NPHP1: variants seen among roughly 807,000 people sequenced by gnomAD.
The protein encoded by NPHP1 is nephrocystin-1.
A neutral mutation model predicts 90.4 loss-of-function variants in NPHP1; 70 were observed. The observed-to-expected ratio is 0.77, with a 90% CI of 0.64 to 0.95. The LOEUF (loss-of-function observed/expected upper bound fraction) is 0.95, where lower values mean the gene tolerates loss of function less well. Ranked by LOEUF, NPHP1 falls within the 40% of genes least tolerant of loss-of-function variation. The pLI is 0.00. For synonymous variants in NPHP1, 256 were observed against 271.7 expected, an observed-to-expected ratio of 0.94 and a Z score of 0.57; for missense variants, 764 against 795.9, an observed-to-expected ratio of 0.96 and a Z score of 0.48.
intron 2 of NPHP1, among the ~76,000 whole-genome samples, chr2:110,200,506 T>C (rs1168248577): frequency 6.6e-6 from 1 of 152,016 alleles, no homozygotes; most frequent in East Asian, 1.9e-4. Flanking sequence ...CAGGTTGCAA[T>C]GAGCCGAGAT....
chr2:110,179,521 T>G (rs1683738208), intron 3 of NPHP1, 103 bp downstream of exon 3: 1 of 649,456 alleles, frequency 1.5e-6, no homozygotes, highest in Middle Eastern at 2.7e-4. Context: ...ACTATATCAC[T>G]AACGTAAACC....
At chr2:110,201,667 T>C (rs1233352427) in intron 1 of NPHP1, among the ~76,000 whole-genome samples, 173 bp from the exon 2 acceptor site, 1 of 152,186 alleles carries the variant, frequency 6.6e-6, no homozygotes, top group East Asian at 1.9e-4. Context: ...ATTAACATTA[T>C]ACTATACTTA....
Position 110,160,172 on chromosome 2 carries a change from C to A in NPHP1, c.1038G>T (p.Gln346His). 2 of 1,612,678 alleles carry A rather than the reference C, an allele frequency of 1.2e-6. No homozygotes were observed. Among genetic ancestry groups the A allele is most frequent in the Non-Finnish European group, 1.7e-6 (2 of 1,178,846 alleles). Reference protein sequence around the residue: ...KMIPLPGMSIQVLSRHVRLCL... With the variant: ...KMIPLPGMSIHVLSRHVRLCL... ...AGAGGCGTACATGTCTGCTGAGAAC[C>A]TGTATGCTCATTCCTGGAAGAGGAA... Residue 346 changes from glutamine (Q) to histidine (H), a missense_variant, in exon 11 of 20, where the codon CAG becomes CAT. Physicochemically the swap from Gln to His is conservative, Grantham distance 24. Coordinates refer to ENST00000445609, the MANE Select transcript of NPHP1 (RefSeq NM_001128178.3).
chr2:110,145,930 G>A (rs183847076), intron 14 of NPHP1, among the ~76,000 whole-genome samples: 61 of 152,302 alleles, frequency 4.0e-4, no homozygotes, highest in Non-Finnish European at 7.6e-4. Context: ...CAATGTGGCA[G>A]GAGGCCACAT....
At chr2:110,148,148 G>A in intron 12 of NPHP1, 122 bp from the exon 13 acceptor site, 1 of 736,960 alleles carries the variant, frequency 1.4e-6, no homozygotes, top group Non-Finnish European at 2.5e-6. Context: ...TGTTGAAGGT[G>A]AGGCCTGGTG....
At chr2:110,190,287 GC>G (rs1684620064) in intron 2 of NPHP1, among the ~76,000 whole-genome samples, 1 of 152,158 alleles carries the variant, frequency 6.6e-6, no homozygotes, top group East Asian at 1.9e-4. Flanking sequence ...GCAGGGGGTG[GC>G]ACTTGTCAGG....
chr2:110,137,988 T>C (rs1334246910), intron 16 of NPHP1, among the ~76,000 whole-genome samples: 3 of 149,698 alleles, frequency 2.0e-5, no homozygotes, highest in Admixed American at 1.3e-4. Flanking sequence ...TGGAATACTA[T>C]GCAGCCATAA....
At chr2:110,190,949 A>T (rs987844274) in intron 2 of NPHP1, among the ~76,000 whole-genome samples, 1 of 152,202 alleles carries the variant, frequency 6.6e-6, no homozygotes, top group Non-Finnish European at 1.5e-5. Flanking sequence ...GTGAAGTACC[A>T]TCTCATGCCA....
At chr2:110,180,295 C>G (rs969558820) in intron 2 of NPHP1, among the ~76,000 whole-genome samples, 4 of 152,010 alleles carry the variant, frequency 2.6e-5, no homozygotes, top group Non-Finnish European at 4.4e-5. Context: ...ATTTATTCCA[C>G]AGATGCCTCA....
intron 16 of NPHP1, 76 bp from the exon 17 acceptor site, chr2:110,131,867 T>A: frequency 2.0e-6 from 2 of 980,730 alleles, no homozygotes; most frequent in Non-Finnish European, 3.2e-6. Flanking sequence ...TGTATATTAC[T>A]TTAATAAACA....
Position 110,178,347 on chromosome 2 carries a change from G to A in NPHP1, c.329+76C>T, listed in dbSNP as rs111454868. 2.9e-3 allele frequency: 4,058 copies of A among 1,379,948 alleles called. 103 individuals are homozygous for A. The African/African-American group carries it at 0.048, about 16-fold the overall frequency. The allele number at this position is 1,379,948 out of a possible 1,614,324, so 85.5% of individuals were successfully genotyped here. ...TTTGTTTATATCTATACTGCTATAT[G>A]TCTTTGAGTTAAACATTAAAGCTAT... On this transcript the variant is annotated intron_variant, in intron 4 of 19. Transcript: ENST00000445609.
At chr2:110,165,562 T>C (rs934960562) in intron 6 of NPHP1, among the ~76,000 whole-genome samples, 2 of 151,986 alleles carry the variant, frequency 1.3e-5, no homozygotes, top group South Asian at 4.2e-4. Context: ...CCAATCATGA[T>C]ACAAAATCAA....
intron 16 of NPHP1, among the ~76,000 whole-genome samples, chr2:110,135,060 A>C (rs907449901): frequency 6.6e-6 from 1 of 152,156 alleles, no homozygotes; most frequent in Admixed American, 6.5e-5. Context: ...TAAATACTCC[A>C]TGAAAAATAC....
chr2:110,124,566 A>ATAC, intron 19 of NPHP1: 10 of 223,998 alleles, frequency 4.5e-5, no homozygotes, highest in South Asian at 7.8e-5. Flanking sequence ...TTTGGTGATG[A>ATAC]GGATGTCAGA....
chr2:110,131,626 T>C (rs1036102515), intron 17 of NPHP1, 53 bp downstream of exon 17: 9 of 1,037,188 alleles, frequency 8.7e-6, no homozygotes, highest in Non-Finnish European at 7.6e-6. Flanking sequence ...AGGTTACCTT[T>C]ACTCAGAGTA....
Position 110,164,702 on chromosome 2 carries a change from T to C in NPHP1, c.757A>G (p.Lys253Glu), listed in dbSNP as rs577070620. The C allele has an allele frequency of 2.7e-5, 44 of 1,614,052 alleles. No homozygotes were observed. The South Asian group carries it at 4.0e-4, about 15-fold the overall frequency. ...RTDPHWSAVQ[K>E]AISEQINTVD... Reference sequence around the variant, plus strand: ...AAGATGCCCGCCTCTGAAATCGCTTTCTGAACAGCACTCCAGTGGGGATCA... The same window carrying C: ...AAGATGCCCGCCTCTGAAATCGCTTCCTGAACAGCACTCCAGTGGGGATCA... The change falls in exon 8 of 20, where the codon AAA becomes GAA. Residue 253 changes from lysine (K) to glutamate (E), a missense_variant. Physicochemically the swap from Lys to Glu is moderately conservative, Grantham distance 56. Transcript: ENST00000445609.
intron 2 of NPHP1, chr2:110,185,143 G>A (rs1574174461): frequency 3.5e-6 from 2 of 574,784 alleles, no homozygotes; most frequent in Admixed American, 1.9e-5. Context: ...GGAATATGAG[G>A]AAGACGGTGC....
chr2:110,150,193 A>G lies in NPHP1; in HGVS notation c.1147T>C (p.Phe383Leu). ...WQPKKPKTWT[F>L]SPQVTRILPC... ...AGCAGATTACTTACCTGGGGAGAAA[A>G]GGTCCATGTTTTGGGCTTTTTAGGT... The change falls in exon 12 of 20, where the codon TTT (phenylalanine) becomes CTT (leucine). Residue 383 changes from phenylalanine to leucine, a missense_variant. Phe to Leu is a conservative substitution (Grantham distance 22). Transcript: ENST00000445609. The G allele has an allele frequency of 6.2e-7, 1 of 1,613,150 alleles. No individual in the cohort carries two copies.
chr2:110,169,772 C>A (rs1205913560), intron 5 of NPHP1, 34 bp downstream of exon 5: 6 of 1,454,108 alleles, frequency 4.1e-6, no homozygotes, highest in Non-Finnish European at 5.8e-6. Context: ...TGGACATCGA[C>A]CCTTAGGTTA....
Sources: gnomAD v4.1 joint callset for allele counts (sites outside exome capture counted in the v4.1 genomes callset) on GRCh38, gnomAD v4.1.1 for gene constraint, MANE v1.5 for transcripts, NCBI Gene and HGNC (gene_info 2026-07-23, HGNC 2026-07-21) for gene names.